Variants in PRSS35 observed in about 807,000 individuals in gnomAD.
PRSS35 encodes the protein inactive serine protease 35.
A neutral mutation model predicts 8.1 loss-of-function variants in PRSS35; 7 were observed. That is an observed-to-expected ratio of 0.86 (90% confidence interval 0.49 to 1.62). The LOEUF (loss-of-function observed/expected upper bound fraction) is 1.62. PRSS35 is among the 40% of genes most tolerant of loss of function. PRSS35 has a pLI of 0.00. For synonymous variants in PRSS35, 199 were observed against 188.7 expected (o/e 1.05, Z -0.45); for missense variants, 566 against 518.0 (o/e 1.09, Z -0.90).
At position 83,524,765 on chromosome 6, in the gene PRSS35, G is replaced by T; in HGVS notation, c.*82G>T. The T allele has an allele frequency of 7.4e-7, 1 of 1,345,638 alleles. No homozygotes were observed. Among genetic ancestry groups the T allele is most frequent in the Non-Finnish European group, 1.0e-6 (1 of 993,642 alleles). The allele number at this position is 1,345,638 out of a possible 1,614,324, so 83.4% of individuals were successfully genotyped here. A position where few individuals can be genotyped will look rare whatever the true frequency, so the allele number is the denominator to read the frequency against. ...TTACCGTAGTGAGATCACTTCATAG[G>T]TTATGCCTGGACTTGAACTCTGTCA... On this transcript the variant is annotated 3_prime_UTR_variant, in exon 2 of 2. Coordinates refer to ENST00000369700, the MANE Select transcript of PRSS35 (RefSeq NM_153362.3).
In PRSS35 at chr6:83,523,954, T is replaced by A; in HGVS notation, c.513T>A (p.Val171=). 6.2e-7 allele frequency: 1 copy of A among 1,614,152 alleles called. No individual in the cohort carries two copies. The highest frequency in any genetic ancestry group is 8.5e-7 in the Non-Finnish European group (1 of 1,180,030). The change falls in exon 2 of 2, where the codon GTT becomes GTA. Residue 171 remains valine (V), a synonymous_variant. Transcript: ENST00000369700. ...PQHVLTAAHC[V]HDGKDYVKGS... ...ATGTTCTAACTGCTGCCCACTGTGT[T>A]CATGATGGAAAGGACTATGTCAAAG... is the stretch of plus-strand genomic sequence containing the variant.
Position 83,523,577 on chromosome 6 carries a change from A to G in PRSS35, c.136A>G (p.Thr46Ala). 1 of 1,614,160 alleles carries G rather than the reference A, an allele frequency of 6.2e-7. No homozygotes were observed. Among genetic ancestry groups the G allele is most frequent in the Non-Finnish European group, 8.5e-7 (1 of 1,180,036 alleles). Residue 46 changes from threonine (T) to alanine (A), a missense_variant, in exon 2 of 2, where the codon ACC (threonine) becomes GCC (alanine). Physicochemically the swap from Thr to Ala is moderately conservative, Grantham distance 58 (BLOSUM62 0). Coordinates refer to ENST00000369700, the MANE Select transcript of PRSS35 (RefSeq NM_153362.3). Reference protein sequence around the residue: ...RIVSERTFHLTSPAFEADAKM... With the variant: ...RIVSERTFHLASPAFEADAKM... ...TGTCAGTGAAAGGACTTTCCATCTC[A>G]CCAGCCCCGCATTTGAGGCAGATGC... is the stretch of plus-strand genomic sequence containing the variant.
At chr6:83,521,870 TAAAC>T (rs1283483909) in intron 1 of PRSS35, among the ~76,000 whole-genome samples, 1 of 152,180 alleles carries the variant, frequency 6.6e-6, no homozygotes, top group Non-Finnish European at 1.5e-5. Context: ...ATATCACATT[TAAAC>T]AATAAATAGG....
At chr6:83,513,717 T>C (rs147571348) in intron 1 of PRSS35, among the ~76,000 whole-genome samples, 6 of 152,234 alleles carry the variant, frequency 3.9e-5, no homozygotes, top group African/African-American at 1.4e-4. Context: ...GTGGATACTG[T>C]ACCCCATTTT....
At position 83,524,265 on chromosome 6, in the gene PRSS35, A is replaced by G. The variant is rs757399982; in HGVS notation, c.824A>G (p.Tyr275Cys). ...RGGMGDATLDYDYALLELKRA... is the reference protein window; with the variant it reads ...RGGMGDATLDCDYALLELKRA... ...GGCATGGGGGACGCTACCTTGGACT[A>G]TGACTATGCTCTTCTGGAGCTGAAG... The change falls in exon 2 of 2, where the codon TAT becomes TGT. Residue 275 changes from tyrosine (Y) to cysteine (C), a missense_variant. Tyr to Cys is a radical substitution (Grantham distance 194). Transcript: ENST00000369700. 7 of 1,614,048 alleles carry G rather than the reference A, an allele frequency of 4.3e-6. No individual in the cohort carries two copies. In the Admixed American group the frequency reaches 1.0e-4, roughly 23 times the overall value.
chr6:83,520,691 C>T (rs151101197), intron 1 of PRSS35, among the ~76,000 whole-genome samples: 1 of 152,270 alleles, frequency 6.6e-6, no homozygotes, highest in African/African-American at 2.4e-5. Flanking sequence ...AAAGTATTGT[C>T]CAAGGCCTTT....
chr6:83,520,470 G>T (rs1293890241), intron 1 of PRSS35, among the ~76,000 whole-genome samples: 1 of 152,198 alleles, frequency 6.6e-6, no homozygotes, highest in Non-Finnish European at 1.5e-5. Flanking sequence ...AGTTACTAGT[G>T]TAGGGACTGT....
chr6:83,524,166 T>A lies in PRSS35; in HGVS notation c.725T>A (p.Ile242Asn). 3.1e-6 allele frequency: 5 copies of A among 1,614,040 alleles called. No individual in the cohort carries two copies. Among genetic ancestry groups the A allele is most frequent in the Non-Finnish European group, 4.2e-6 (5 of 1,180,016 alleles). ...AAAAAATCTGGCCGGGGTCAGAGGATTGCCGAAGGGAGGCCTTCCTTTCAG... is the reference window on the plus strand; with the variant it reads ...AAAAAATCTGGCCGGGGTCAGAGGAATGCCGAAGGGAGGCCTTCCTTTCAG... ...RRKKSGRGQR[I>N]AEGRPSFQWT... Residue 242 changes from isoleucine (I) to asparagine (N), a missense_variant, in exon 2 of 2, where the codon ATT (isoleucine) becomes AAT (asparagine). Physicochemically the swap from Ile to Asn is moderately radical, Grantham distance 149 (BLOSUM62 -3). Coordinates refer to ENST00000369700, the MANE Select transcript of PRSS35 (RefSeq NM_153362.3).
intron 1 of PRSS35, among the ~76,000 whole-genome samples, chr6:83,517,623 C>T (rs1030735728): frequency 2.6e-5 from 4 of 152,202 alleles, no homozygotes; most frequent in Admixed American, 2.0e-4. Flanking sequence ...ATCATCTGGC[C>T]AGGCCCCAGT....
chr6:83,523,376 T>C, intron 1 of PRSS35, 46 bp from the exon 2 acceptor site: 1 of 1,423,946 alleles, frequency 7.0e-7, no homozygotes, highest in Non-Finnish European at 9.6e-7. Context: ...ATAAGTAAGA[T>C]TTAAAAAGGA....
At chr6:83,516,841 G>A (rs1016593201) in intron 1 of PRSS35, among the ~76,000 whole-genome samples, 1 of 152,030 alleles carries the variant, frequency 6.6e-6, no homozygotes, top group Non-Finnish European at 1.5e-5. Flanking sequence ...CTTCTTATAT[G>A]AGCCCCTATG....
Position 83,523,847 on chromosome 6 carries a change from A to T in PRSS35, c.406A>T (p.Lys136Ter). 6.2e-7 allele frequency: 1 copy of T among 1,614,204 alleles called. No individual in the cohort carries two copies. ...CGACAGCAGGTTCAGCATCTTGGAC[A>T]AAAGGTTCTTAACCAATTTCCCTTT... ...GTDSRFSILD[K>*]RFLTNFPFST... The change falls in exon 2 of 2, where the codon AAA (lysine) becomes TAA (stop). Residue 136 changes from lysine to a stop codon, truncating the protein, a stop_gained. Coordinates refer to ENST00000369700, the MANE Select transcript of PRSS35 (RefSeq NM_153362.3). LOFTEE classifies it low-confidence loss of function (END_TRUNC).
Position 83,524,791 on chromosome 6 carries a change from A to G in PRSS35, c.*108A>G. ...TTATGCCTGGACTTGAACTCTGTCA[A>G]TAGCATTTCAACATTTTTCAAAATC... On this transcript the variant is annotated 3_prime_UTR_variant, in exon 2 of 2. Transcript: ENST00000369700. 8.7e-7 allele frequency: 1 copy of G among 1,148,862 alleles called. No homozygotes were observed. The highest frequency in any genetic ancestry group is 3.0e-4 in the Middle Eastern group (1 of 3,346). The allele number at this position is 1,148,862 out of a possible 1,614,324, so 71.2% of individuals were successfully genotyped here. A position where few individuals can be genotyped will look rare whatever the true frequency, so the allele number is the denominator to read the frequency against.
chr6:83,523,985 A>G lies in PRSS35; in HGVS notation c.544A>G (p.Lys182Glu). Reference protein sequence around the residue: ...HDGKDYVKGSKKLRVGLLKMR... With the variant: ...HDGKDYVKGSEKLRVGLLKMR... ...TGGAAAGGACTATGTCAAAGGGAGTAAAAAGCTAAGGGTAGGGTTGTTGAA... is the reference window on the plus strand; with the variant it reads ...TGGAAAGGACTATGTCAAAGGGAGTGAAAAGCTAAGGGTAGGGTTGTTGAA... Residue 182 changes from lysine to glutamate, a missense_variant, in exon 2 of 2, where the codon AAA (lysine) becomes GAA (glutamate). By Grantham distance (56) the Lys-to-Glu change is moderately conservative. Coordinates refer to ENST00000369700, the MANE Select transcript of PRSS35 (RefSeq NM_153362.3). 1 of 1,614,164 alleles carries G rather than the reference A, an allele frequency of 6.2e-7. No individual in the cohort carries two copies.
At chr6:83,515,874 G>A (rs757153431) in intron 1 of PRSS35, among the ~76,000 whole-genome samples, 91 of 151,670 alleles carry the variant, frequency 6.0e-4, no homozygotes, top group South Asian at 1.5e-3. Flanking sequence ...GGAGTGCAAT[G>A]GCGTGATCTC....
At position 83,524,777 on chromosome 6, in the gene PRSS35, C is replaced by A; in HGVS notation, c.*94C>A. The stretch of plus-strand genomic sequence containing the variant: ...GATCACTTCATAGGTTATGCCTGGA[C>A]TTGAACTCTGTCAATAGCATTTCAA... On this transcript the variant is annotated 3_prime_UTR_variant, in exon 2 of 2. Transcript: ENST00000369700. 1 of 1,273,608 alleles carries A rather than the reference C, an allele frequency of 7.9e-7. No homozygotes were observed. Among genetic ancestry groups the A allele is most frequent in the Non-Finnish European group, 1.1e-6 (1 of 934,062 alleles). 78.9% of individuals were successfully genotyped at this position (1,273,608 alleles called of 1,614,324 possible).
At chr6:83,515,233 G>A (rs1270016203) in intron 1 of PRSS35, among the ~76,000 whole-genome samples, 1 of 152,172 alleles carries the variant, frequency 6.6e-6, no homozygotes, top group Non-Finnish European at 1.5e-5. Context: ...CAACAGTTAA[G>A]GACTATCAGA....
chr6:83,524,185 C>T lies in PRSS35; in HGVS notation c.744C>T (p.Ser248=), dbSNP rs779256935. 1 of 1,614,064 alleles carries T rather than the reference C, an allele frequency of 6.2e-7. No individual in the cohort carries two copies. The highest frequency in any genetic ancestry group is 1.1e-5 in the South Asian group (1 of 91,078). ...RGQRIAEGRP[S]FQWTRVKNTH... The stretch of plus-strand genomic sequence containing the variant: ...AGAGGATTGCCGAAGGGAGGCCTTC[C>T]TTTCAGTGGACCCGGGTCAAGAATA... The change falls in exon 2 of 2, where the codon TCC becomes TCT. Residue 248 remains serine (S), a synonymous_variant. Coordinates refer to ENST00000369700, the MANE Select transcript of PRSS35 (RefSeq NM_153362.3).
intron 1 of PRSS35, among the ~76,000 whole-genome samples, chr6:83,516,291 T>A (rs1771711927): frequency 6.6e-6 from 1 of 151,918 alleles, no homozygotes; most frequent in African/African-American, 2.4e-5. Flanking sequence ...ATCTAAAGTT[T>A]TGGCTGGGCA....
Sources: gnomAD v4.1 joint callset for allele counts (sites outside exome capture counted in the v4.1 genomes callset) on GRCh38, gnomAD v4.1.1 for gene constraint, MANE v1.5 for transcripts, NCBI Gene and HGNC (gene_info 2026-07-23, HGNC 2026-07-21) for gene names.